GALNT13: variants seen among roughly 807,000 people sequenced by gnomAD.
The protein encoded by GALNT13 is polypeptide N-acetylgalactosaminyltransferase 13.
In GALNT13, 28 loss-of-function variants were observed where a neutral mutation model predicts 64.2. The ratio of observed to expected loss-of-function variants is 0.44; its 90% CI spans 0.32 to 0.60. GALNT13 has a LOEUF of 0.60. Among genes scored for constraint, GALNT13 ranks in the 20% least tolerant of loss-of-function variants. The pLI is 0.05. For missense variants in GALNT13, 577 were observed against 669.8 expected (o/e 0.86, Z 1.53); for synonymous variants, 214 against 224.6 (o/e 0.95, Z 0.42).
At chr2:153,674,988 A>G in the GALNT13 span, among the ~76,000 whole-genome samples, 2 of 152,336 alleles carry the variant, frequency 1.3e-5, no homozygotes, top group South Asian at 2.1e-4. Context: ...AATCAAAACC[A>G]CAATGAGATA....
the GALNT13 span, among the ~76,000 whole-genome samples, chr2:153,155,469 G>GT: frequency 6.6e-6 from 1 of 152,082 alleles, no homozygotes; most frequent in South Asian, 2.1e-4. Context: ...TTGTATCCAG[G>GT]AATTTATCTA....
chr2:153,924,803 A>C (rs987340377), intron 2 of GALNT13, among the ~76,000 whole-genome samples: 2 of 152,122 alleles, frequency 1.3e-5, no homozygotes, highest in Non-Finnish European at 2.9e-5. Context: ...GCATTTCTCT[A>C]ATGATCCGTG....
At chr2:153,527,229 T>C in the GALNT13 span, among the ~76,000 whole-genome samples, 2 of 152,168 alleles carry the variant, frequency 1.3e-5, no homozygotes, top group African/African-American at 4.8e-5. Flanking sequence ...CAAAGAAGAC[T>C]ACCTCAACAC....
chr2:154,421,731 TAGC>T (rs1700261647), intron 11 of GALNT13, among the ~76,000 whole-genome samples: 1 of 152,112 alleles, frequency 6.6e-6, no homozygotes, highest in Non-Finnish European at 1.5e-5. Context: ...AAGCATGTGT[TAGC>T]AGTATGAAAT....
At chr2:154,165,153 G>A (rs1684956673) in intron 4 of GALNT13, among the ~76,000 whole-genome samples, 1 of 152,078 alleles carries the variant, frequency 6.6e-6, no homozygotes, top group African/African-American at 2.4e-5. Flanking sequence ...GAGTGTTAAT[G>A]TGAGAGAAAA....
chr2:154,189,200 A>G (rs551200412), intron 4 of GALNT13, among the ~76,000 whole-genome samples: 9 of 152,278 alleles, frequency 5.9e-5, no homozygotes, highest in African/African-American at 2.2e-4. Context: ...TACTCTGACC[A>G]TTCAGACTAG....
chr2:154,174,589 A>G (rs538265150), intron 4 of GALNT13, among the ~76,000 whole-genome samples: 1 of 152,280 alleles, frequency 6.6e-6, no homozygotes, highest in African/African-American at 2.4e-5. Context: ...CTAGTCAAAG[A>G]AGGTTTTTAA....
the GALNT13 span, among the ~76,000 whole-genome samples, chr2:153,735,511 A>T: frequency 1.3e-5 from 2 of 152,182 alleles, no homozygotes. Context: ...GGACAGGCAC[A>T]ATGAATTTGC....
the GALNT13 span, among the ~76,000 whole-genome samples, chr2:153,201,058 C>T: frequency 2.0e-5 from 3 of 152,170 alleles, no homozygotes; most frequent in African/African-American, 7.2e-5. Flanking sequence ...GTTCTATTTT[C>T]ATCAGTAATT....
chr2:154,233,076 A>G (rs1559039498), intron 4 of GALNT13, among the ~76,000 whole-genome samples: 1 of 151,740 alleles, frequency 6.6e-6, no homozygotes, highest in East Asian at 1.9e-4. Context: ...AAAGAAAAAA[A>G]GTACAAATGG....
chr2:153,592,823 C>G, the GALNT13 span: 1 of 152,212 alleles, frequency 6.6e-6, no homozygotes, highest in South Asian at 2.1e-4. Context: ...AGTGGAGAAA[C>G]TTAAAGCCTG....
the GALNT13 span, among the ~76,000 whole-genome samples, chr2:153,559,564 A>G: frequency 6.6e-6 from 1 of 152,088 alleles, no homozygotes; most frequent in Admixed American, 6.6e-5. Flanking sequence ...TGTACTTCCT[A>G]GTGTATCACA....
At chr2:153,420,944 G>A in the GALNT13 span, 1 of 183,620 alleles carries the variant, frequency 5.4e-6, no homozygotes. Flanking sequence ...TGGGAAGCTG[G>A]CAATTAATGC....
chr2:153,946,316 T>A (rs370976109), intron 3 of GALNT13, among the ~76,000 whole-genome samples: 2 of 152,212 alleles, frequency 1.3e-5, no homozygotes, highest in East Asian at 3.9e-4. Context: ...TCCTTAATGC[T>A]CCTTAAGTCT....
the GALNT13 span, among the ~76,000 whole-genome samples, chr2:153,785,583 G>A: frequency 3.3e-5 from 5 of 152,150 alleles, no homozygotes; most frequent in Non-Finnish European, 5.9e-5. Flanking sequence ...GGCAGTGGCA[G>A]AGGGGCTTTC....
chr2:153,197,848 G>A, the GALNT13 span, among the ~76,000 whole-genome samples: 5 of 152,162 alleles, frequency 3.3e-5, no homozygotes, highest in Non-Finnish European at 7.4e-5. Context: ...GCAAGTGTGC[G>A]GCAGCCTTGC....
chr2:153,735,254 G>C, the GALNT13 span, among the ~76,000 whole-genome samples: 1 of 151,634 alleles, frequency 6.6e-6, no homozygotes, highest in African/African-American at 2.4e-5. Flanking sequence ...TTGTCTCTAG[G>C]GCTTACTATT....
chr2:153,472,392 T>C, the GALNT13 span, among the ~76,000 whole-genome samples: 3 of 152,246 alleles, frequency 2.0e-5, no homozygotes, highest in African/African-American at 7.2e-5. Context: ...ATTTCTTATC[T>C]TACTCTTGTG....
At chr2:154,056,520 T>C (rs968120577) in intron 3 of GALNT13, among the ~76,000 whole-genome samples, 1 of 152,206 alleles carries the variant, frequency 6.6e-6, no homozygotes, top group Non-Finnish European at 1.5e-5. Flanking sequence ...AGTTTTTTTA[T>C]TCTTTCTTGG....
Sources: gnomAD v4.1 joint callset for allele counts (sites outside exome capture counted in the v4.1 genomes callset) on GRCh38, gnomAD v4.1.1 for gene constraint, MANE v1.5 for transcripts, NCBI Gene and HGNC (gene_info 2026-07-23, HGNC 2026-07-21) for gene names.